Variants in CCSER1 observed in about 807,000 individuals in gnomAD.
CCSER1 encodes the protein coiled-coil serine rich protein 1.
A neutral mutation model predicts 82.0 loss-of-function variants in CCSER1; 41 were observed. The observed-to-expected ratio is 0.50, with a 90% confidence interval of 0.39 to 0.65. CCSER1 has a LOEUF of 0.65. CCSER1 is among the 30% of genes least tolerant of loss of function. The pLI is 0.00. For missense variants in CCSER1, 1,119 were observed against 1,064.2 expected (o/e 1.05, Z -0.72); for synonymous variants, 414 against 383.9 (o/e 1.08, Z -0.92).
intron 10 of CCSER1, among the ~76,000 whole-genome samples, chr4:91,460,877 C>A (rs904844226): frequency 6.6e-6 from 1 of 152,038 alleles, no homozygotes; most frequent in Admixed American, 6.6e-5. Flanking sequence ...AATTTCTATT[C>A]CTTGGGGATG....
At chr4:90,799,151 AG>A in intron 7 of CCSER1, among the ~76,000 whole-genome samples, 1 of 151,968 alleles carries the variant, frequency 6.6e-6, no homozygotes, top group East Asian at 1.9e-4. Context: ...ATGTTGGCTC[AG>A]GGGTGGGGTG....
chr4:90,611,310 C>A (rs9884326), intron 5 of CCSER1, among the ~76,000 whole-genome samples: 1 of 151,730 alleles, frequency 6.6e-6, no homozygotes, highest in Non-Finnish European at 1.5e-5. Context: ...GTTGCAAACA[C>A]TTTATTCTAC....
chr4:90,340,578 T>C (rs1411774903), intron 3 of CCSER1, among the ~76,000 whole-genome samples: 2 of 152,156 alleles, frequency 1.3e-5, no homozygotes, highest in African/African-American at 2.4e-5. Context: ...AAGGAAAAAA[T>C]AGCTGTTGAA....
At chr4:90,957,065 A>T (rs1029493779) in intron 9 of CCSER1, among the ~76,000 whole-genome samples, 48 of 145,038 alleles carry the variant, frequency 3.3e-4, no homozygotes, top group Non-Finnish European at 2.0e-4. Flanking sequence ...GGCATGAATC[A>T]GCAGCAGATC....
intron 4 of CCSER1, among the ~76,000 whole-genome samples, chr4:90,463,855 T>C (rs972408403): frequency 6.6e-6 from 1 of 152,122 alleles, no homozygotes; most frequent in Non-Finnish European, 1.5e-5. Context: ...AATGCCTCTC[T>C]GATGAATCCT....
intron 10 of CCSER1, among the ~76,000 whole-genome samples, chr4:91,118,628 C>T (rs1284575197): frequency 6.6e-6 from 1 of 152,124 alleles, no homozygotes; most frequent in Non-Finnish European, 1.5e-5. Context: ...GAAATTAAAA[C>T]ACTGAAGAGA....
At chr4:90,330,699 C>A (rs1739122475) in intron 3 of CCSER1, among the ~76,000 whole-genome samples, 1 of 152,272 alleles carries the variant, frequency 6.6e-6, no homozygotes, top group South Asian at 2.1e-4. Flanking sequence ...GGAAGTCCTG[C>A]ATAACAAAAG....
chr4:90,429,015 T>C (rs1757902956), intron 4 of CCSER1, among the ~76,000 whole-genome samples: 1 of 151,830 alleles, frequency 6.6e-6, no homozygotes, highest in Admixed American at 6.6e-5. Flanking sequence ...GTATTTTTGT[T>C]CTTTGAAACA....
intron 10 of CCSER1, among the ~76,000 whole-genome samples, chr4:91,442,044 G>T (rs572979592): frequency 3.3e-5 from 5 of 152,186 alleles, no homozygotes; most frequent in Admixed American, 2.0e-4. Flanking sequence ...TGACCATACT[G>T]CCCAAGGTAA....
intron 6 of CCSER1, among the ~76,000 whole-genome samples, chr4:90,689,997 T>TA (rs1274236541): frequency 6.6e-6 from 1 of 152,056 alleles, no homozygotes; most frequent in Non-Finnish European, 1.5e-5. Context: ...TCTAAAGGTG[T>TA]AAGCCTTTCA....
In CCSER1 at chr4:91,223,790, A is replaced by C. The variant is rs59066405; in HGVS notation, c.2217+137796A>C. Among the ~76,000 whole-genome samples the C allele has an allele frequency of 2.4e-3, 365 of 152,166 alleles. 2 individuals carry two copies. The highest frequency in any genetic ancestry group is 8.6e-3 in the African/African-American group (356 of 41,540). ...ATAAATCTGACTGAGTTATAGAGAA[A>C]ATCCTTAAGAAACTCATAATATAGA... is the stretch of plus-strand genomic sequence containing the variant. On this transcript the variant is annotated intron_variant, in intron 10 of 10. Coordinates refer to ENST00000509176, the MANE Select transcript of CCSER1 (RefSeq NM_001145065.2).
intron 10 of CCSER1, among the ~76,000 whole-genome samples, chr4:91,429,505 T>C (rs1426743172): frequency 1.3e-5 from 2 of 151,952 alleles, no homozygotes; most frequent in African/African-American, 4.8e-5. Context: ...TTTATTCACC[T>C]AAATATACTA....
At chr4:91,412,150 A>G (rs1450994810) in intron 10 of CCSER1, among the ~76,000 whole-genome samples, 2 of 152,182 alleles carry the variant, frequency 1.3e-5, no homozygotes, top group Non-Finnish European at 2.9e-5. Flanking sequence ...ACCCATGCCC[A>G]GGTGGCCAGA....
chr4:90,988,001 G>T (rs753196871), intron 9 of CCSER1, among the ~76,000 whole-genome samples: 5 of 151,492 alleles, frequency 3.3e-5, no homozygotes, highest in Middle Eastern at 3.4e-3. Flanking sequence ...ACTAAAATCC[G>T]CAATATTGTA....
chr4:91,008,375 G>C (rs1465245940), intron 9 of CCSER1, among the ~76,000 whole-genome samples: 1 of 152,034 alleles, frequency 6.6e-6, no homozygotes, highest in Admixed American at 6.5e-5. Flanking sequence ...TATATATTTA[G>C]GTGCTTCAAT....
Position 90,466,893 on chromosome 4 carries a change from T to G in CCSER1, c.1604-1341T>G, listed in dbSNP as rs58340864. ...CAATATAAATAAGTTTGTGCACTGT[T>G]TAAAAAAGTACAAGAATGTTCATAG... On this transcript the variant is annotated intron_variant, in intron 4 of 10. Coordinates refer to ENST00000509176, the MANE Select transcript of CCSER1 (RefSeq NM_001145065.2). Among the ~76,000 whole-genome samples the G allele has an allele frequency of 7.4e-3, 1,125 of 152,256 alleles. 19 individuals are homozygous for G. Among genetic ancestry groups the G allele is most frequent in the African/African-American group, 0.026 (1,061 of 41,544 alleles).
In CCSER1 at chr4:90,998,697, C is replaced by T. The variant is rs564242635; in HGVS notation, c.2172+75250C>T. On this transcript the variant is annotated intron_variant, in intron 9 of 10. Transcript: ENST00000509176. ...AAGTCAACTTGTCATAAATTTGCAT[C>T]CATAAATCTAATTTAGCATTACACA... 1.6e-3 allele frequency among the ~76,000 whole-genome samples: 242 copies of T among 150,020 alleles called. 1 individual carries two copies. The highest frequency in any genetic ancestry group is 5.6e-3 in the African/African-American group (227 of 40,710).
intron 3 of CCSER1, among the ~76,000 whole-genome samples, chr4:90,323,409 G>T (rs1178616588): frequency 6.6e-6 from 1 of 152,208 alleles, no homozygotes; most frequent in Non-Finnish European, 1.5e-5. Context: ...GCTAGCTGGA[G>T]CTCAGATTCC....
intron 9 of CCSER1, among the ~76,000 whole-genome samples, chr4:90,924,714 T>TTTG (rs1180822742): frequency 5.3e-5 from 8 of 152,116 alleles, no homozygotes; most frequent in Admixed American, 2.0e-4. Flanking sequence ...AACTTGGTTT[T>TTTG]TTGTTGTTGT....
Sources: allele counts gnomAD v4.1 joint callset (sites outside exome capture counted in the v4.1 genomes callset), GRCh38; gene constraint gnomAD v4.1.1; transcripts MANE v1.5; gene names NCBI Gene and HGNC (gene_info 2026-07-23, HGNC 2026-07-21).